The following LHX4 variants were observed in gnomAD, a reference collection of about 807,000 sequenced individuals.
LHX4 encodes LIM/homeobox protein Lhx4.
A neutral mutation model predicts 39.2 loss-of-function variants in LHX4; 16 were observed. That is an observed-to-expected ratio of 0.41 (90% CI 0.28 to 0.62). The LOEUF (loss-of-function observed/expected upper bound fraction) is 0.62. Ranked by LOEUF, LHX4 falls within the 20% of genes least tolerant of loss-of-function variation. The pLI, the probability that LHX4 is intolerant of heterozygous loss-of-function variation, is 0.33. For synonymous variants in LHX4, 206 were observed against 198.1 expected, an observed-to-expected ratio of 1.04 and a Z score of -0.33; for missense variants, 439 against 511.9, an observed-to-expected ratio of 0.86 and a Z score of 1.37.
Position 180,232,803 on chromosome 1 carries a change from T to C in LHX4, c.76+2198T>C, listed in dbSNP as rs1312575800. Among the ~76,000 whole-genome samples, 1 of 152,244 alleles carries C rather than the reference T, an allele frequency of 6.6e-6. No individual in the cohort carries two copies. Among genetic ancestry groups the C allele is most frequent in the Non-Finnish European group, 1.5e-5 (1 of 68,038 alleles). On this transcript the variant is annotated intron_variant, in intron 1 of 5. Transcript: ENST00000263726. This position sits in a 1 kb window ranked among gnomAD's most constrained non-coding sequence, Gnocchi z 5.4. Reference sequence around the variant, plus strand: ...CACATATACACAACTATTAGTTTTCTTGGGACTGGGCCCAGTGGCCTAAGA... The same window carrying C: ...CACATATACACAACTATTAGTTTTCCTGGGACTGGGCCCAGTGGCCTAAGA...
At chr1:180,229,826 G>A (rs1352806952), upstream of LHX4, among the ~76,000 whole-genome samples, 1 of 151,742 alleles carries the variant, frequency 6.6e-6, no homozygotes, top group Non-Finnish European at 1.5e-5. Flanking sequence ...GAGCCGCGCG[G>A]GCTTGGAACC....
chr1:180,256,714 T>TG (rs1647872408), intron 2 of LHX4, among the ~76,000 whole-genome samples: 1 of 152,102 alleles, frequency 6.6e-6, no homozygotes, highest in Admixed American at 6.5e-5. Context: ...GGCCCCAAAG[T>TG]GGGAGTCAGG....
In LHX4 at chr1:180,230,421, C is replaced by G; in HGVS notation, c.-109C>G. ...GGAGGGCCCGGCTTCCACCGTGACT[C>G]CAGCGGCCTGCTTGGGGTTTTAATT... On this transcript the variant is annotated 5_prime_UTR_variant, in exon 1 of 6. Coordinates refer to ENST00000263726, the MANE Select transcript of LHX4 (RefSeq NM_033343.4). The surrounding 1 kb of genome is among the most constrained non-coding windows in gnomAD (Gnocchi z 5.8). 1.0e-6 allele frequency: 1 copy of G among 966,772 alleles called. No homozygotes were observed. Among genetic ancestry groups the G allele is most frequent in the South Asian group, 1.4e-5 (1 of 72,326 alleles). 59.9% of individuals were successfully genotyped at this position (966,772 alleles called of 1,614,324 possible).
At chr1:180,249,632 G>A (rs1165185735) in intron 2 of LHX4, among the ~76,000 whole-genome samples, 1 of 152,222 alleles carries the variant, frequency 6.6e-6, no homozygotes, top group Non-Finnish European at 1.5e-5. Context: ...GGGAGTAATG[G>A]GGAGAAATGT....
chr1:180,267,606 G>GTGTGAACGCACAAAACATCAAGTTC (rs1648376003), intron 3 of LHX4, among the ~76,000 whole-genome samples: 2 of 152,226 alleles, frequency 1.3e-5, no homozygotes. Flanking sequence ...AACCTCAGAG[G>GTGTGAACGCACAAAACATCAAGTTC]TGTGAACGCA....
In LHX4 at chr1:180,270,067, A is replaced by G. The variant is rs553560654; in HGVS notation, c.452-1313A>G. 6 of 152,408 alleles carry G rather than the reference A, an allele frequency of 3.9e-5. No individual in the cohort carries two copies. The East Asian group carries it at 1.2e-3, about 29-fold the overall frequency. 9.4% of individuals were successfully genotyped at this position (152,408 alleles called of 1,614,324 possible). On this transcript the variant is annotated intron_variant, in intron 3 of 5. Transcript: ENST00000263726. ...CATTCCTCTAGTGCCTCCCAAGATC[A>G]GGGCAGGCCGTGTTGCCCTCTGGAC...
Position 180,278,060 on chromosome 1 carries a change from A to G in LHX4, c.*3481A>G, listed in dbSNP as rs1447476937. 1 of 152,190 alleles carries G rather than the reference A, an allele frequency of 6.6e-6. No homozygotes were observed. The highest frequency in any genetic ancestry group is 1.5e-5 in the Non-Finnish European group (1 of 68,042). The allele number at this position is 152,190 out of a possible 1,614,324, so 9.4% of individuals were successfully genotyped here. A position where few individuals can be genotyped will look rare whatever the true frequency, so the allele number is the denominator to read the frequency against. ...AGGAGGGGGCTCAAGGCTTCTGATG[A>G]GCAAAGGCTGTGTGTTGTATGACAG... On this transcript the variant is annotated 3_prime_UTR_variant, in exon 6 of 6. Transcript: ENST00000263726.
intron 1 of LHX4, among the ~76,000 whole-genome samples, chr1:180,244,234 G>A (rs144913542): frequency 2.5e-3 from 383 of 152,220 alleles, no homozygotes; most frequent in African/African-American, 9.1e-3. Context: ...TAATCCCCCC[G>A]TCAACATCTA....
intron 2 of LHX4, among the ~76,000 whole-genome samples, chr1:180,250,976 C>A (rs1647605845): frequency 1.3e-5 from 2 of 152,158 alleles, no homozygotes; most frequent in South Asian, 4.1e-4. Context: ...CTGCCCCAAG[C>A]CCTGGCCCTC....
chr1:180,274,286 G>T lies in LHX4; in HGVS notation c.880G>T (p.Gly294Trp). ...AATGAATGGGAGCTTCTCCATGGAC[G>T]GGACAGGACAATCCTATCAGGACTT... ...QLMNGSFSMD[G>W]TGQSYQDLRD... is the part of the protein sequence containing the mutation. The change falls in exon 6 of 6, where the codon GGG becomes TGG. Residue 294 changes from glycine to tryptophan, a missense_variant. Physicochemically the swap from Gly to Trp is radical, Grantham distance 184. Transcript: ENST00000263726. 3 of 1,614,178 alleles carry T rather than the reference G, an allele frequency of 1.9e-6. No homozygotes were observed. The highest frequency in any genetic ancestry group is 2.5e-6 in the Non-Finnish European group (3 of 1,180,020).
At chr1:180,264,887 A>C (rs1486133248) in intron 2 of LHX4, among the ~76,000 whole-genome samples, 3 of 152,196 alleles carry the variant, frequency 2.0e-5, no homozygotes, top group Non-Finnish European at 4.4e-5. Context: ...CCATCTCAGA[A>C]GAGTGTTCCC....
chr1:180,271,316 TG>T, intron 3 of LHX4, 63 bp from the exon 4 acceptor site: 1 of 1,563,080 alleles, frequency 6.4e-7, no homozygotes, highest in Non-Finnish European at 8.8e-7. Context: ...GAAGGGAGGG[TG>T]TGGGAGGAGG....
chr1:180,245,289 C>T (rs548241538), intron 1 of LHX4, among the ~76,000 whole-genome samples: 2 of 152,326 alleles, frequency 1.3e-5, no homozygotes, highest in African/African-American at 2.4e-5. Context: ...GACTGGGGGG[C>T]GTCACACCAA....
intron 2 of LHX4, among the ~76,000 whole-genome samples, chr1:180,259,408 C>A (rs888301900): frequency 6.6e-6 from 1 of 151,378 alleles, no homozygotes; most frequent in East Asian, 1.9e-4. Context: ...AGTCTCATTA[C>A]GTGAGAAGGA....
Position 180,248,299 on chromosome 1 carries a change from G to A in LHX4, c.91G>A (p.Ala31Thr), listed in dbSNP as rs145933198. The A allele has an allele frequency of 5.8e-5, 94 of 1,614,080 alleles. No individual in the cohort carries two copies. The highest frequency in any genetic ancestry group is 1.7e-4 in the Middle Eastern group (1 of 6,054). The part of the protein sequence containing the change: ...GVPMQQIPQC[A>T]GCNQHILDKF... ...CTTCCTCACAGAGATTCCCCAGTGC[G>A]CTGGCTGCAACCAGCACATCCTGGA... The change falls in exon 2 of 6, where the codon GCT (alanine) becomes ACT (threonine). Residue 31 changes from alanine (A) to threonine (T), a missense_variant. Coordinates refer to ENST00000263726, the MANE Select transcript of LHX4 (RefSeq NM_033343.4).
Position 180,248,698 on chromosome 1 carries a change from G to A in LHX4, c.248+242G>A, listed in dbSNP as rs192586902. On this transcript the variant is annotated intron_variant, in intron 2 of 5. Transcript: ENST00000263726. ...TCTCTGCATGGGGCAGGGGTGAGGAGCCAGAGGCCTTGGGCTAGATTTCTC... is the reference window on the plus strand; with the variant it reads ...TCTCTGCATGGGGCAGGGGTGAGGAACCAGAGGCCTTGGGCTAGATTTCTC... 5.9e-5 allele frequency: 33 copies of A among 562,050 alleles called. No individual in the cohort carries two copies. The East Asian group carries it at 6.2e-4, about 11-fold the overall frequency. 34.8% of individuals were successfully genotyped at this position (562,050 alleles called of 1,614,324 possible).
chr1:180,232,084 G>T lies in LHX4; in HGVS notation c.76+1479G>T, dbSNP rs935977918. Among the ~76,000 whole-genome samples, 7 of 152,144 alleles carry T rather than the reference G, an allele frequency of 4.6e-5. No individual in the cohort carries two copies. The highest frequency in any genetic ancestry group is 1.7e-4 in the African/African-American group (7 of 41,430). On this transcript the variant is annotated intron_variant, in intron 1 of 5. Coordinates refer to ENST00000263726, the MANE Select transcript of LHX4 (RefSeq NM_033343.4). The surrounding 1 kb of genome is among the most constrained non-coding windows in gnomAD (Gnocchi z 5.4). ...GGAGATTCACTACGCCCCACACCCC[G>T]CACACAGGCAGGGACAGAGTGGGTT...
chr1:180,262,146 C>G (rs1323339789), intron 2 of LHX4, among the ~76,000 whole-genome samples: 1 of 152,144 alleles, frequency 6.6e-6, no homozygotes, highest in African/African-American at 2.4e-5. Context: ...GGGTCTGCCT[C>G]AACCATGAGA....
Position 180,230,307 on chromosome 1 carries a change from C to T in LHX4, c.-223C>T, listed in dbSNP as rs1452234705. On this transcript the variant is annotated 5_prime_UTR_variant, in exon 1 of 6. Coordinates refer to ENST00000263726, the MANE Select transcript of LHX4 (RefSeq NM_033343.4). The surrounding 1 kb of genome is among the most constrained non-coding windows in gnomAD (Gnocchi z 5.8). ...TCTCAACCTGGGATGTGCACCAACC[C>T]CGGAGAGCGAGATCAAAGGGACTGG... The T allele has an allele frequency of 1.6e-6, 1 of 608,404 alleles. No individual in the cohort carries two copies. The highest frequency in any genetic ancestry group is 2.9e-6 in the Non-Finnish European group (1 of 339,880). The allele number at this position is 608,404 out of a possible 1,614,324, so 37.7% of individuals were successfully genotyped here.
Sources: allele counts gnomAD v4.1 joint callset (sites outside exome capture counted in the v4.1 genomes callset), GRCh38; gene constraint gnomAD v4.1.1; non-coding constraint Gnocchi (gnomAD v3.1); transcripts MANE v1.5; gene names NCBI Gene and HGNC (gene_info 2026-07-23, HGNC 2026-07-21).